Variants in MAPKAP1 observed in about 807,000 individuals in gnomAD.
MAPKAP1 encodes the protein MAPK associated protein 1, also known as target of rapamycin complex 2 subunit MAPKAP1.
Under a neutral mutation model 65.7 loss-of-function variants are expected in MAPKAP1, and 20 were observed. That is an observed-to-expected ratio of 0.30 (90% CI 0.21 to 0.44). MAPKAP1 has a LOEUF of 0.44. MAPKAP1 is among the 20% of genes least tolerant of loss of function. The pLI, the probability that MAPKAP1 is intolerant of heterozygous loss-of-function variation, is 1.00. For missense variants in MAPKAP1, 423 were observed against 648.0 expected, an observed-to-expected ratio of 0.65 and a Z score of 3.77; for synonymous variants, 222 against 244.3, an observed-to-expected ratio of 0.91 and a Z score of 0.85.
At position 125,484,365 on chromosome 9, in the gene MAPKAP1, T is replaced by G. The variant is rs1854419919; in HGVS notation, c.1207+78A>C. 7 of 1,400,674 alleles carry G rather than the reference T, an allele frequency of 5.0e-6. No homozygotes were observed. The East Asian group carries it at 1.8e-4, about 35-fold the overall frequency. The allele number at this position is 1,400,674 out of a possible 1,614,324, so 86.8% of individuals were successfully genotyped here. Reference sequence around the variant, plus strand: ...TTTAGTCATTCAGGTCACATAAAAGTTGTATGTTGTTTCTTTCCCCATTTC... The same window carrying G: ...TTTAGTCATTCAGGTCACATAAAAGGTGTATGTTGTTTCTTTCCCCATTTC... On this transcript the variant is annotated intron_variant, in intron 9 of 11. Coordinates refer to ENST00000265960, the MANE Select transcript of MAPKAP1 (RefSeq NM_001006617.3).
At position 125,443,714 on chromosome 9, in the gene MAPKAP1, G is replaced by T. The variant is rs1419781558; in HGVS notation, c.1443+787C>A. Among the ~76,000 whole-genome samples, 32 of 4,656 alleles carry T rather than the reference G, an allele frequency of 6.9e-3. No individual in the cohort carries two copies. The East Asian group carries it at 0.083, about 12-fold the overall frequency. 3.1% of individuals were successfully genotyped at this position (4,656 alleles called of 152,430 possible). A position where few individuals can be genotyped will look rare whatever the true frequency, so the allele number is the denominator to read the frequency against. On this transcript the variant is annotated intron_variant, in intron 11 of 11. Transcript: ENST00000265960. ...CCCGCCAGCTCCCCCAGCCCCCCCA[G>T]CCCCCCATCCCCCTGTGCCTGCCTT...
In MAPKAP1 at chr9:125,595,747, T is replaced by C; in HGVS notation, c.499-10020A>G. ...GAGGGTTGAGCTTTGAAACAACCAA[T>C]GAGAGCAAGAGGAGCCATTGTGAGC... On this transcript the variant is annotated intron_variant, in intron 4 of 11. Transcript: ENST00000265960. The surrounding 1 kb of genome is among the most constrained non-coding windows in gnomAD (Gnocchi z 4.0). 7.0e-7 allele frequency: 1 copy of C among 1,432,262 alleles called. No homozygotes were observed. The highest frequency in any genetic ancestry group is 1.2e-5 in the South Asian group (1 of 86,432). 88.7% of individuals were successfully genotyped at this position (1,432,262 alleles called of 1,614,324 possible).
intron 4 of MAPKAP1, among the ~76,000 whole-genome samples, chr9:125,647,598 T>G (rs1270982177): frequency 6.6e-6 from 1 of 152,236 alleles, no homozygotes; most frequent in Non-Finnish European, 1.5e-5. Flanking sequence ...CCTAATGTCA[T>G]GGACCACTGT....
intron 5 of MAPKAP1, among the ~76,000 whole-genome samples, chr9:125,577,710 G>A (rs1349308561): frequency 2.7e-5 from 3 of 113,096 alleles, no homozygotes; most frequent in African/African-American, 9.9e-5. Flanking sequence ...CCGGCCGGCC[G>A]CCCCATCCGG....
At chr9:125,657,517 G>A in intron 4 of MAPKAP1, 134 bp downstream of exon 4, 1 of 788,712 alleles carries the variant, frequency 1.3e-6, no homozygotes, top group South Asian at 2.1e-5. Flanking sequence ...CTTAGAAAAT[G>A]TAAGTGACAT....
At chr9:125,686,261 G>A (rs1400288431) in intron 1 of MAPKAP1, among the ~76,000 whole-genome samples, 8 of 148,028 alleles carry the variant, frequency 5.4e-5, no homozygotes, top group East Asian at 2.0e-4. Flanking sequence ...GCAGTGGACC[G>A]AGATAGAGCC....
At chr9:125,467,265 T>C (rs971735336) in intron 10 of MAPKAP1, among the ~76,000 whole-genome samples, 2 of 152,246 alleles carry the variant, frequency 1.3e-5, no homozygotes, top group Non-Finnish European at 2.9e-5. Flanking sequence ...GTGATCTATG[T>C]GCCCTTTTTG....
At chr9:125,689,862 G>T (rs1471030947) in intron 1 of MAPKAP1, among the ~76,000 whole-genome samples, 1 of 148,204 alleles carries the variant, frequency 6.7e-6, no homozygotes, top group Non-Finnish European at 1.5e-5. Context: ...CGAGGTGGGC[G>T]GGTCACCTGA....
In MAPKAP1 at chr9:125,560,461, G is replaced by A. The variant is rs560619720; in HGVS notation, c.672-652C>T. ...TAGCCAGACATGGTGGTATGCGCCT[G>A]TAGTTCCAGCTACTCAGGAGGCTGA... is the stretch of plus-strand genomic sequence containing the variant. On this transcript the variant is annotated intron_variant, in intron 5 of 11. Coordinates refer to ENST00000265960, the MANE Select transcript of MAPKAP1 (RefSeq NM_001006617.3). Among the ~76,000 whole-genome samples the A allele has an allele frequency of 6.8e-4, 104 of 152,274 alleles. 1 individual carries two copies. The highest frequency in any genetic ancestry group is 1.0e-3 in the South Asian group (5 of 4,820).
chr9:125,455,524 T>A (rs1853130854), intron 10 of MAPKAP1, among the ~76,000 whole-genome samples: 1 of 151,928 alleles, frequency 6.6e-6, no homozygotes. Flanking sequence ...TCACATTTTT[T>A]ATTGACAAAA....
Position 125,667,855 on chromosome 9 carries a change from T to C in MAPKAP1, c.349+1963A>G, listed in dbSNP as rs113496758. Among the ~76,000 whole-genome samples, 566 of 152,298 alleles carry C rather than the reference T, an allele frequency of 3.7e-3. 2 individuals carry two copies. The highest frequency in any genetic ancestry group is 6.8e-3 in the Middle Eastern group (2 of 294). On this transcript the variant is annotated intron_variant, in intron 3 of 11. Coordinates refer to ENST00000265960, the MANE Select transcript of MAPKAP1 (RefSeq NM_001006617.3). ...GATTAATAAGAACTGCTTTAAGATA[T>C]ATAAAAAATTTGAAAAAAGTGAATA...
At chr9:125,638,199 G>C (rs544542787) in intron 4 of MAPKAP1, among the ~76,000 whole-genome samples, 1 of 152,312 alleles carries the variant, frequency 6.6e-6, no homozygotes, top group South Asian at 2.1e-4. Flanking sequence ...GGCAGTGGGA[G>C]TATTTAATCT....
intron 10 of MAPKAP1, among the ~76,000 whole-genome samples, chr9:125,452,247 C>T (rs1018313017): frequency 1.3e-4 from 20 of 150,730 alleles, no homozygotes; most frequent in Non-Finnish European, 1.8e-4. Flanking sequence ...TACAGGCGTG[C>T]GCCACCACGC....
chr9:125,464,933 G>A (rs547123926), intron 10 of MAPKAP1, among the ~76,000 whole-genome samples: 89 of 152,266 alleles, frequency 5.8e-4, no homozygotes, highest in Non-Finnish European at 1.1e-3. Context: ...CACAGTCGAA[G>A]GTTTAAAAAC....
chr9:125,544,488 C>T (rs1192784748), intron 6 of MAPKAP1, among the ~76,000 whole-genome samples: 2 of 152,032 alleles, frequency 1.3e-5, no homozygotes, highest in Admixed American at 6.6e-5. Context: ...GGAAAAAAAC[C>T]GCTAAGGAAC....
chr9:125,535,502 G>A (rs1320471225), intron 7 of MAPKAP1, among the ~76,000 whole-genome samples: 3 of 152,166 alleles, frequency 2.0e-5, no homozygotes, highest in Admixed American at 2.0e-4. Context: ...TTTGATGACA[G>A]ATGAACTAAA....
At chr9:125,521,733 G>T (rs755187343) in intron 7 of MAPKAP1, 1 of 1,612,786 alleles carries the variant, frequency 6.2e-7, no homozygotes, top group Non-Finnish European at 8.5e-7. Context: ...AGCCTTGACA[G>T]CCAGTGAAAT....
chr9:125,679,067 T>C (rs1349422852), intron 1 of MAPKAP1, among the ~76,000 whole-genome samples: 2 of 151,824 alleles, frequency 1.3e-5, no homozygotes, highest in African/African-American at 4.8e-5. Context: ...AGCAGTGCGA[T>C]CCTGGCTAAC....
chr9:125,607,667 T>C (rs927169615), intron 4 of MAPKAP1, among the ~76,000 whole-genome samples: 2 of 152,172 alleles, frequency 1.3e-5, no homozygotes, highest in African/African-American at 2.4e-5. Flanking sequence ...ATTTATTATA[T>C]ATTTTTTGAG....
Sources: allele counts gnomAD v4.1 joint callset (sites outside exome capture counted in the v4.1 genomes callset), GRCh38; gene constraint gnomAD v4.1.1; non-coding constraint Gnocchi (gnomAD v3.1); transcripts MANE v1.5; gene names NCBI Gene and HGNC (gene_info 2026-07-23, HGNC 2026-07-21).